COL21A1: variants seen among roughly 807,000 people sequenced by gnomAD.
COL21A1 encodes the protein collagen type XXI alpha 1 chain.
COL21A1 carries 149 observed loss-of-function variants against 137.9 expected under a neutral mutation model. The ratio of observed to expected loss-of-function variants is 1.08; its 90% confidence interval spans 0.95 to 1.24. The LOEUF (loss-of-function observed/expected upper bound fraction) is 1.24. Among genes scored for constraint, COL21A1 ranks in the 50% most tolerant of loss-of-function variants. The pLI, the probability that COL21A1 is intolerant of heterozygous loss-of-function variation, is 0.00. For missense variants in COL21A1, 1,167 were observed against 1,158.4 expected (o/e 1.01, Z -0.11); for synonymous variants, 456 against 391.5 (o/e 1.16, Z -1.95).
Position 56,282,791 on chromosome 6 carries a change from C to T in COL21A1, c.-38-100135G>A, listed in dbSNP as rs373232071. On this transcript the variant is annotated intron_variant, in intron 1 of 28. Transcript: ENST00000370819. The stretch of plus-strand genomic sequence containing the variant: ...CACTTTACCTGGATGATAGATTTGT[C>T]CCCCAACAAGAACAATCATTTCTTA... 2.6e-5 allele frequency among the ~76,000 whole-genome samples: 4 copies of T among 152,284 alleles called. No individual in the cohort carries two copies. In the East Asian group the frequency reaches 5.8e-4, roughly 22 times the overall value.
chr6:56,097,050 A>C (rs977737855), intron 17 of COL21A1, among the ~76,000 whole-genome samples: 1 of 152,064 alleles, frequency 6.6e-6, no homozygotes, highest in African/African-American at 2.4e-5. Flanking sequence ...ATCTGTTCTT[A>C]TTTGGAAGAA....
chr6:56,222,539 T>C (rs1780903669), intron 1 of COL21A1, among the ~76,000 whole-genome samples: 1 of 152,058 alleles, frequency 6.6e-6, no homozygotes, highest in Admixed American at 6.6e-5. Flanking sequence ...CTCTAGGGAG[T>C]AATTAAATTT....
chr6:56,177,268 T>C (rs565771548), intron 3 of COL21A1, among the ~76,000 whole-genome samples: 52 of 152,266 alleles, frequency 3.4e-4, no homozygotes, highest in Non-Finnish European at 4.7e-4. Flanking sequence ...GTAAATATTA[T>C]TTAACTCAAT....
At chr6:56,171,491 T>C (rs535831820) in intron 3 of COL21A1, among the ~76,000 whole-genome samples, 87 of 152,118 alleles carry the variant, frequency 5.7e-4, no homozygotes, top group African/African-American at 2.0e-3. Context: ...GATTTATCAT[T>C]CTCATCCAGG....
At chr6:56,205,046 G>T (rs1188046435) in intron 1 of COL21A1, among the ~76,000 whole-genome samples, 7 of 152,140 alleles carry the variant, frequency 4.6e-5, no homozygotes, top group Admixed American at 4.6e-4. Flanking sequence ...GTGCAAAAAG[G>T]CTGAAAATTC....
chr6:56,304,518 G>A (rs183970908), intron 1 of COL21A1, among the ~76,000 whole-genome samples: 2,400 of 150,902 alleles, frequency 0.016, 60 homozygotes, highest in African/African-American at 0.055. Flanking sequence ...GTTTATTTGC[G>A]TAGAGGTGTT....
chr6:56,069,467 C>T (rs1164771630), intron 21 of COL21A1, among the ~76,000 whole-genome samples: 1 of 150,858 alleles, frequency 6.6e-6, no homozygotes, highest in Non-Finnish European at 1.5e-5. Context: ...TTTACTAACA[C>T]TTATTCTCCT....
At chr6:56,341,586 G>A (rs1159489813) in intron 1 of COL21A1, among the ~76,000 whole-genome samples, 1 of 152,212 alleles carries the variant, frequency 6.6e-6, no homozygotes, top group Non-Finnish European at 1.5e-5. Flanking sequence ...GAGAAAGGAA[G>A]GGATGAATAG....
chr6:56,326,114 C>G (rs1212481609), intron 1 of COL21A1, among the ~76,000 whole-genome samples: 1 of 137,890 alleles, frequency 7.3e-6, no homozygotes, highest in Non-Finnish European at 1.5e-5. Context: ...TAACATAAAA[C>G]AAAACTGGGA....
At chr6:56,381,591 A>G (rs1430927839) in intron 1 of COL21A1, among the ~76,000 whole-genome samples, 3 of 152,254 alleles carry the variant, frequency 2.0e-5, no homozygotes, top group African/African-American at 7.2e-5. Context: ...GTTACAAAAC[A>G]CACAGCAAGG....
chr6:56,251,385 T>C (rs968793153), upstream of COL21A1, among the ~76,000 whole-genome samples: 7 of 152,218 alleles, frequency 4.6e-5, no homozygotes, highest in African/African-American at 1.4e-4. Context: ...TCTCATTATA[T>C]TCCCATGGGA....
At chr6:56,208,242 T>C (rs192761328) in intron 1 of COL21A1, among the ~76,000 whole-genome samples, 146 of 151,918 alleles carry the variant, frequency 9.6e-4, no homozygotes, top group African/African-American at 3.1e-3. Flanking sequence ...TGATTGTATA[T>C]TTGGAAAGAT....
intron 1 of COL21A1, among the ~76,000 whole-genome samples, chr6:56,319,727 A>C (rs1389737503): frequency 6.6e-6 from 1 of 152,150 alleles, no homozygotes; most frequent in Non-Finnish European, 1.5e-5. Flanking sequence ...TTAGACTACC[A>C]AATTTAAAAA....
chr6:56,179,819 T>A lies in COL21A1; in HGVS notation c.399A>T (p.Arg133=). The change falls in exon 3 of 30, where the codon CGA becomes CGT. Residue 133 remains arginine, a synonymous_variant. Transcript: ENST00000244728. ...GTACCACTGCTATCTTAGTCAGAAA[T>A]CGTGAGGACTTGGCAAAAAGGTAAT... ...ALDYLFAKSS[R]FLTKIAVVLT... The A allele has an allele frequency of 6.2e-7, 1 of 1,613,976 alleles. No individual in the cohort carries two copies. The highest frequency in any genetic ancestry group is 1.3e-5 in the African/African-American group (1 of 75,032).
intron 1 of COL21A1, among the ~76,000 whole-genome samples, chr6:56,321,069 C>T (rs561266426): frequency 6.6e-6 from 1 of 152,200 alleles, no homozygotes; most frequent in South Asian, 2.1e-4. Flanking sequence ...AGTAGCTCAT[C>T]CACTAGGAGT....
intron 24 of COL21A1, among the ~76,000 whole-genome samples, chr6:56,062,813 C>T (rs2114045160): frequency 6.6e-6 from 1 of 152,134 alleles, no homozygotes; most frequent in African/African-American, 2.4e-5. Context: ...AAGATATAAT[C>T]CAACAACTAG....
intron 1 of COL21A1, among the ~76,000 whole-genome samples, chr6:56,364,853 C>T (rs1413354256): frequency 6.6e-6 from 1 of 151,584 alleles, no homozygotes; most frequent in Non-Finnish European, 1.5e-5. Context: ...TATTATTGGG[C>T]ACCATTTAAG....
intron 1 of COL21A1, among the ~76,000 whole-genome samples, chr6:56,199,495 C>T (rs908473034): frequency 4.6e-5 from 7 of 151,876 alleles, no homozygotes; most frequent in South Asian, 2.1e-4. Context: ...TAAAGAACAT[C>T]CTTCTTAGTG....
chr6:56,135,464 G>A (rs1773924458), intron 12 of COL21A1, among the ~76,000 whole-genome samples: 1 of 151,972 alleles, frequency 6.6e-6, no homozygotes, highest in Non-Finnish European at 1.5e-5. Flanking sequence ...AAACAGTGCT[G>A]ATAAGAATGT....
Sources: gnomAD v4.1 joint callset for allele counts (sites outside exome capture counted in the v4.1 genomes callset) on GRCh38, gnomAD v4.1.1 for gene constraint, MANE v1.5 for transcripts, NCBI Gene and HGNC (gene_info 2026-07-23, HGNC 2026-07-21) for gene names.